Variants in GRIK2 observed in about 807,000 individuals in gnomAD.
GRIK2 encodes glutamate receptor ionotropic, kainate 2.
GRIK2 carries 32 observed loss-of-function variants against 100.3 expected under a neutral mutation model. That is an observed-to-expected ratio of 0.32 (90% CI 0.24 to 0.43). GRIK2 has a LOEUF of 0.43. Among genes scored for constraint, GRIK2 ranks in the 20% least tolerant of loss-of-function variants. The pLI is 1.00. For missense variants in GRIK2, 843 were observed against 1,114.9 expected, an observed-to-expected ratio of 0.76 and a Z score of 3.47; for synonymous variants, 417 against 389.4, an observed-to-expected ratio of 1.07 and a Z score of -0.83.
chr6:101,789,054 G>T (rs780207856), intron 7 of GRIK2, among the ~76,000 whole-genome samples: 19 of 151,478 alleles, frequency 1.3e-4, no homozygotes, highest in Admixed American at 5.9e-4. Flanking sequence ...TTTTGATGGG[G>T]TTGTTTTTTT....
intron 2 of GRIK2, among the ~76,000 whole-genome samples, chr6:101,447,718 T>C (rs1044409923): frequency 6.6e-6 from 1 of 151,704 alleles, no homozygotes; most frequent in African/African-American, 2.4e-5. Flanking sequence ...TGAGACATTA[T>C]GTACTTCAAA....
intron 2 of GRIK2, among the ~76,000 whole-genome samples, chr6:101,599,797 ATTAGAAC>A (rs1320748066): frequency 1.3e-5 from 2 of 151,596 alleles, no homozygotes; most frequent in Non-Finnish European, 3.0e-5. Context: ...AGATTTTGGA[ATTAGAAC>A]TTAGTAAAAG....
chr6:101,828,472 T>C (rs764054400), intron 10 of GRIK2, among the ~76,000 whole-genome samples: 3 of 151,676 alleles, frequency 2.0e-5, no homozygotes, highest in Non-Finnish European at 4.4e-5. Context: ...AAAGGATCGA[T>C]GAAATGAAAA....
At chr6:101,400,141 G>T (rs970877968) in intron 2 of GRIK2, among the ~76,000 whole-genome samples, 2 of 151,360 alleles carry the variant, frequency 1.3e-5, no homozygotes, top group African/African-American at 4.9e-5. Context: ...TATCTGGGGC[G>T]GTGGGGAAGA....
intron 2 of GRIK2, among the ~76,000 whole-genome samples, chr6:101,568,156 T>C (rs1464742836): frequency 6.6e-6 from 1 of 151,956 alleles, no homozygotes; most frequent in Admixed American, 6.6e-5. Flanking sequence ...TAAACATAAG[T>C]GTTAATCTTT....
chr6:101,574,035 C>T (rs183814492), intron 2 of GRIK2, among the ~76,000 whole-genome samples: 321 of 151,630 alleles, frequency 2.1e-3, no homozygotes, highest in Middle Eastern at 6.8e-3. Context: ...TTAATGCACT[C>T]AAAATTTTAA....
At chr6:101,452,974 GT>G (rs1312075366) in intron 2 of GRIK2, among the ~76,000 whole-genome samples, 7 of 151,590 alleles carry the variant, frequency 4.6e-5, no homozygotes, top group Non-Finnish European at 1.0e-4. Context: ...GCATCTTTCA[GT>G]TACTATAAAA....
chr6:101,861,227 A>T (rs749047031), intron 11 of GRIK2, among the ~76,000 whole-genome samples: 9 of 152,220 alleles, frequency 5.9e-5, no homozygotes, highest in Non-Finnish European at 1.0e-4. Context: ...CAATAAATAG[A>T]GATGTAACTA....
chr6:101,824,152 TG>T (rs1412055109), intron 10 of GRIK2, among the ~76,000 whole-genome samples: 3 of 152,092 alleles, frequency 2.0e-5, no homozygotes, highest in African/African-American at 7.2e-5. Flanking sequence ...CCCGAAGTGC[TG>T]GGATTACAGG....
At chr6:101,883,289 A>AAAT (rs143808702) in intron 11 of GRIK2, among the ~76,000 whole-genome samples, 12,098 of 144,174 alleles carry the variant, frequency 0.084, 522 homozygotes, top group African/African-American at 0.12. Context: ...TCTCTTTGGC[A>AAAT]AATAATAATA....
intron 7 of GRIK2, among the ~76,000 whole-genome samples, chr6:101,742,228 C>T (rs1178231476): frequency 6.6e-6 from 1 of 152,202 alleles, no homozygotes; most frequent in Non-Finnish European, 1.5e-5. Flanking sequence ...ATGCCAATCA[C>T]TAAGGTGACA....
chr6:101,815,184 A>G (rs1265441624), intron 9 of GRIK2, among the ~76,000 whole-genome samples: 1 of 152,116 alleles, frequency 6.6e-6, no homozygotes, highest in Admixed American at 6.6e-5. Flanking sequence ...TGGAAAGACA[A>G]ATGACAGGAA....
intron 2 of GRIK2, among the ~76,000 whole-genome samples, chr6:101,489,183 C>G (rs1221946267): frequency 1.4e-5 from 2 of 145,982 alleles, no homozygotes; most frequent in Non-Finnish European, 3.0e-5. Context: ...AGAGGGTTTA[C>G]TCTTTGAACA....
chr6:101,550,287 T>C (rs1454492145), intron 2 of GRIK2, among the ~76,000 whole-genome samples: 1 of 152,152 alleles, frequency 6.6e-6, no homozygotes, highest in Non-Finnish European at 1.5e-5. Flanking sequence ...TGGAAAGAAA[T>C]TTATTGTCCA....
chr6:101,783,032 G>A lies in GRIK2; in HGVS notation c.952-16616G>A, dbSNP rs554344178. ...CCACCATGCCCGGCTAATTTTTTTTGTATTTTTAGTAGAGATGGGGTTTCA... is the reference window on the plus strand; with the variant it reads ...CCACCATGCCCGGCTAATTTTTTTTATATTTTTAGTAGAGATGGGGTTTCA... On this transcript the variant is annotated intron_variant, in intron 7 of 16. Coordinates refer to ENST00000369134, the MANE Select transcript of GRIK2 (RefSeq NM_021956.5). Among the ~76,000 whole-genome samples the A allele has an allele frequency of 1.1e-3, 172 of 151,690 alleles. 1 individual carries two copies. The highest frequency in any genetic ancestry group is 3.3e-3 in the African/African-American group (135 of 41,338).
chr6:101,913,577 T>C (rs548031116), intron 12 of GRIK2, among the ~76,000 whole-genome samples: 44 of 151,570 alleles, frequency 2.9e-4, no homozygotes, highest in African/African-American at 1.1e-3. Flanking sequence ...TGATATCAAA[T>C]GGGCAATAAT....
At chr6:101,863,350 G>C (rs1334261687) in intron 11 of GRIK2, among the ~76,000 whole-genome samples, 1 of 152,110 alleles carries the variant, frequency 6.6e-6, no homozygotes, top group Non-Finnish European at 1.5e-5. Context: ...CTGATGGTTT[G>C]CACAGTCCTC....
At chr6:101,584,788 C>T (rs979570490) in intron 2 of GRIK2, among the ~76,000 whole-genome samples, 4 of 151,856 alleles carry the variant, frequency 2.6e-5, no homozygotes, top group Admixed American at 2.0e-4. Context: ...ATGAGGCATT[C>T]GCAACTAGCT....
intron 14 of GRIK2, among the ~76,000 whole-genome samples, chr6:102,006,617 C>T (rs191278026): frequency 2.1e-3 from 324 of 151,912 alleles, no homozygotes; most frequent in African/African-American, 7.4e-3. Flanking sequence ...ATTCTCCTGC[C>T]TTGGCCTCCC....
Sources: gnomAD v4.1 joint callset for allele counts (sites outside exome capture counted in the v4.1 genomes callset) on GRCh38, gnomAD v4.1.1 for gene constraint, MANE v1.5 for transcripts, NCBI Gene and HGNC (gene_info 2026-07-23, HGNC 2026-07-21) for gene names.